The following NETO2 variants were observed in gnomAD, a reference collection of about 807,000 sequenced individuals.
NETO2 encodes neuropilin and tolloid-like protein 2.
NETO2 carries 28 observed loss-of-function variants against 62.5 expected under a neutral mutation model. That is an observed-to-expected ratio of 0.45 (90% confidence interval 0.33 to 0.61). The LOEUF (loss-of-function observed/expected upper bound fraction) is 0.61, where lower values mean the gene tolerates loss of function less well. Among genes scored for constraint, NETO2 ranks in the 20% least tolerant of loss-of-function variants. The pLI is 0.02. For missense variants in NETO2, 548 were observed against 643.2 expected, an observed-to-expected ratio of 0.85 and a Z score of 1.60; for synonymous variants, 214 against 219.1, an observed-to-expected ratio of 0.98 and a Z score of 0.21.
rs1278028798 is a variant in NETO2, at chr16:47,080,293, T to C, written c.*2928A>G. ...TAATGGTGACAGTATTATACAGGTA[T>C]ACTTAATGCTGTTTCTGAATTGAAG... is the stretch of plus-strand genomic sequence containing the variant. On this transcript the variant is annotated 3_prime_UTR_variant, in exon 9 of 9. Transcript: ENST00000562435. 2 of 152,234 alleles carry C rather than the reference T, an allele frequency of 1.3e-5. No individual in the cohort carries two copies. The highest frequency in any genetic ancestry group is 1.3e-4 in the Admixed American group (2 of 15,278). The allele number at this position is 152,234 out of a possible 1,614,324, so 9.4% of individuals were successfully genotyped here. A position where few individuals can be genotyped will look rare whatever the true frequency, so the allele number is the denominator to read the frequency against.
rs183734797 is a variant in NETO2 at position 47,091,066 on chromosome 16, A to G, written c.884-4727T>C. ...ATTTGAATTAATGATAAGCATGAAA[A>G]AATTTACTAATTGGAGCTCTGAAAT... On this transcript the variant is annotated intron_variant, in intron 7 of 8. Transcript: ENST00000562435. Among the ~76,000 whole-genome samples the G allele has an allele frequency of 3.9e-5, 6 of 152,330 alleles. No individual in the cohort carries two copies. In the East Asian group the frequency reaches 1.2e-3, roughly 29 times the overall value.
At chr16:47,121,306 T>A (rs981693204) in intron 6 of NETO2, among the ~76,000 whole-genome samples, 11 of 152,174 alleles carry the variant, frequency 7.2e-5, no homozygotes, top group Non-Finnish European at 1.2e-4. Flanking sequence ...ATCTGCGGGC[T>A]GTGAGCTGAC....
intron 4 of NETO2, among the ~76,000 whole-genome samples, chr16:47,124,789 A>C (rs151209663): frequency 5.4e-4 from 82 of 152,276 alleles, no homozygotes; most frequent in African/African-American, 1.8e-3. Context: ...CATCTGTAAA[A>C]TAAAATATTA....
intron 7 of NETO2, among the ~76,000 whole-genome samples, chr16:47,108,799 T>C (rs902677564): frequency 1.3e-5 from 2 of 152,228 alleles, no homozygotes. Flanking sequence ...TCAGTTTTAC[T>C]CTGGCTTTGA....
intron 8 of NETO2, among the ~76,000 whole-genome samples, chr16:47,084,974 T>A (rs1417431384): frequency 6.6e-6 from 1 of 152,144 alleles, no homozygotes; most frequent in African/African-American, 2.4e-5. Flanking sequence ...GCCCCACCCC[T>A]GTTCTGTGAA....
intron 7 of NETO2, among the ~76,000 whole-genome samples, chr16:47,090,969 A>C (rs962497372): frequency 6.6e-6 from 1 of 152,224 alleles, no homozygotes; most frequent in Non-Finnish European, 1.5e-5. Flanking sequence ...TGAAATACTA[A>C]TTGTTTCCAT....
intron 1 of NETO2, 66 bp downstream of exon 1, chr16:47,143,513 G>A: frequency 8.2e-7 from 1 of 1,215,524 alleles, no homozygotes; most frequent in African/African-American, 1.6e-5. Flanking sequence ...CAGAGGCGCG[G>A]GCAGGGCGGC....
intron 6 of NETO2, among the ~76,000 whole-genome samples, chr16:47,115,920 T>C (rs1963911838): frequency 7.0e-6 from 1 of 141,998 alleles, no homozygotes; most frequent in African/African-American, 2.5e-5. Flanking sequence ...CTTGTTAACC[T>C]GATATATTTG....
At chr16:47,111,535 T>C (rs935893987) in intron 6 of NETO2, among the ~76,000 whole-genome samples, 7 of 152,240 alleles carry the variant, frequency 4.6e-5, no homozygotes, top group African/African-American at 1.7e-4. Flanking sequence ...TAAACTACTT[T>C]TCTTTTACTC....
chr16:47,088,063 T>G (rs1423623954), intron 7 of NETO2, among the ~76,000 whole-genome samples: 2 of 152,196 alleles, frequency 1.3e-5, no homozygotes, highest in African/African-American at 4.8e-5. Flanking sequence ...AGCTTATTAT[T>G]TTCCCATTCA....
Position 47,129,360 on chromosome 16 carries a change from T to C in NETO2, c.96A>G (p.Gly32=). ...GAATATGCTTGATTCCAATATTTTG[T>C]CCATCTTAGGGAAAAACGGCATTTA... ...GIAVAQKTQD[G]QNIGIKHIPA... The change falls in exon 3 of 9, where the codon GGA becomes GGG. Residue 32 remains glycine, a synonymous_variant. Transcript: ENST00000562435. 1 of 1,613,714 alleles carries C rather than the reference T, an allele frequency of 6.2e-7. No homozygotes were observed. Among genetic ancestry groups the C allele is most frequent in the Non-Finnish European group, 8.5e-7 (1 of 1,179,906 alleles).
intron 1 of NETO2, 34 bp downstream of exon 1, chr16:47,143,545 G>GGGCGCCGTCCGTGGCCCC: frequency 7.4e-6 from 9 of 1,221,820 alleles, no homozygotes; most frequent in Non-Finnish European, 8.2e-6. Context: ...GGCCCGCAGG[G>GGGCGCCGTCCGTGGCCCC]GGCGCCGTCC....
At chr16:47,128,848 G>A (rs758625887) in intron 3 of NETO2, among the ~76,000 whole-genome samples, 3 of 152,096 alleles carry the variant, frequency 2.0e-5, no homozygotes, top group Non-Finnish European at 2.9e-5. Context: ...CTAATACTTA[G>A]TTCAAGATAC....
intron 7 of NETO2, among the ~76,000 whole-genome samples, chr16:47,093,231 T>C (rs746537573): frequency 1.6e-4 from 25 of 152,330 alleles, no homozygotes; most frequent in Non-Finnish European, 3.1e-4. Flanking sequence ...ACCACACTTC[T>C]TGTGGCCCAC....
intron 8 of NETO2, among the ~76,000 whole-genome samples, chr16:47,085,441 G>A (rs897414508): frequency 1.3e-5 from 2 of 151,956 alleles, no homozygotes; most frequent in Non-Finnish European, 2.9e-5. Flanking sequence ...GAGTGCAATG[G>A]CGCAATCTCG....
Position 47,082,891 on chromosome 16 carries a change from A to G in NETO2, c.*330T>C. On this transcript the variant is annotated 3_prime_UTR_variant, in exon 9 of 9. Transcript: ENST00000562435. ...GACAGAGCTGTTATCAGTCAAGAGC[A>G]GTCTTCTTGTTGCTAAAACGAAGAG... The G allele has an allele frequency of 4.1e-6, 1 of 241,982 alleles. No homozygotes were observed. The highest frequency in any genetic ancestry group is 7.9e-6 in the Non-Finnish European group (1 of 126,814). 15.0% of individuals were successfully genotyped at this position (241,982 alleles called of 1,614,324 possible).
chr16:47,143,088 G>A (rs753072998), intron 1 of NETO2, among the ~76,000 whole-genome samples: 1 of 152,000 alleles, frequency 6.6e-6, no homozygotes, highest in Non-Finnish European at 1.5e-5. Flanking sequence ...GTTCCCCGCC[G>A]CGAGGTGCAG....
chr16:47,119,331 T>G (rs962269312), intron 6 of NETO2, among the ~76,000 whole-genome samples: 1 of 151,946 alleles, frequency 6.6e-6, no homozygotes, highest in African/African-American at 2.4e-5. Flanking sequence ...TTTTGTACTT[T>G]TAGTAGAGAT....
intron 4 of NETO2, among the ~76,000 whole-genome samples, chr16:47,126,023 C>T (rs1964151101): frequency 6.6e-6 from 1 of 152,152 alleles, no homozygotes; most frequent in Non-Finnish European, 1.5e-5. Context: ...ATAACCATTC[C>T]ACTTTCTGTT....
Sources: gnomAD v4.1 joint callset for allele counts (sites outside exome capture counted in the v4.1 genomes callset) on GRCh38, gnomAD v4.1.1 for gene constraint, MANE v1.5 for transcripts, NCBI Gene and HGNC (gene_info 2026-07-23, HGNC 2026-07-21) for gene names.